The following KCNK12 variants were observed in gnomAD, a reference collection of about 807,000 sequenced individuals.
KCNK12 encodes potassium two pore domain channel subfamily K member 12.
In KCNK12, 6 loss-of-function variants were observed where a neutral mutation model predicts 25.3. That is an observed-to-expected ratio of 0.24 (90% confidence interval 0.13 to 0.47). KCNK12 has a LOEUF of 0.47. Among genes scored for constraint, KCNK12 ranks in the 20% least tolerant of loss-of-function variants. KCNK12 has a pLI of 0.99. For missense variants in KCNK12, 444 were observed against 661.7 expected, an observed-to-expected ratio of 0.67 and a Z score of 3.61; for synonymous variants, 331 against 311.1, an observed-to-expected ratio of 1.06 and a Z score of -0.67.
intron 1 of KCNK12, among the ~76,000 whole-genome samples, chr2:47,558,310 G>A (rs1669591435): frequency 6.6e-6 from 1 of 152,250 alleles, no homozygotes; most frequent in East Asian, 1.9e-4. Context: ...GAGTGACAAA[G>A]AGGGTGCTGG....
chr2:47,567,295 A>C (rs1669803650), intron 1 of KCNK12: 1 of 152,240 alleles, frequency 6.6e-6, no homozygotes, highest in Non-Finnish European at 1.5e-5. Context: ...CATTGGATAA[A>C]GAGTCAGATA....
intron 1 of KCNK12, among the ~76,000 whole-genome samples, chr2:47,526,933 A>G (rs1464688247): frequency 6.6e-6 from 1 of 152,176 alleles, no homozygotes; most frequent in Admixed American, 6.5e-5. Context: ...ACCACCTAAC[A>G]ATGCTGGCCC....
chr2:47,563,839 G>C (rs2104894237), intron 1 of KCNK12: 1 of 232,732 alleles, frequency 4.3e-6, no homozygotes, highest in East Asian at 6.1e-5. Context: ...GCACAATTCT[G>C]AGCTGTTCGA....
At chr2:47,530,870 T>C (rs142844062) in intron 1 of KCNK12, among the ~76,000 whole-genome samples, 2 of 152,250 alleles carry the variant, frequency 1.3e-5, no homozygotes, top group East Asian at 1.9e-4. Flanking sequence ...GATAAAGACA[T>C]TGAAGTTCAG....
At position 47,533,195 on chromosome 2, in the gene KCNK12, G is replaced by C. The variant is rs1380997580; in HGVS notation, c.392-11387C>G. Among the ~76,000 whole-genome samples, 1 of 142,326 alleles carries C rather than the reference G, an allele frequency of 7.0e-6. No homozygotes were observed. Among genetic ancestry groups the C allele is most frequent in the East Asian group, 2.2e-4 (1 of 4,484 alleles). 93.4% of individuals were successfully genotyped at this position (142,326 alleles called of 152,430 possible). The stretch of plus-strand genomic sequence containing the variant: ...CTGGCTAATTTTTGTATTTTTAGTA[G>C]AGACGGGGTTTTACCATGTTGGCCA... On this transcript the variant is annotated intron_variant, in intron 1 of 1. Coordinates refer to ENST00000327876, the MANE Select transcript of KCNK12 (RefSeq NM_022055.2). This position sits in a 1 kb window ranked among gnomAD's most constrained non-coding sequence, Gnocchi z 4.7.
intron 1 of KCNK12, among the ~76,000 whole-genome samples, chr2:47,550,947 A>C (rs759662466): frequency 6.6e-6 from 1 of 152,114 alleles, no homozygotes; most frequent in Non-Finnish European, 1.5e-5. Context: ...AACAGCAATG[A>C]GTGGTCTTAG....
chr2:47,554,726 T>A (rs1669515426), intron 1 of KCNK12, among the ~76,000 whole-genome samples: 1 of 152,210 alleles, frequency 6.6e-6, no homozygotes. Context: ...TTTAAAGATC[T>A]CTTTGGCTGT....
Position 47,557,625 on chromosome 2 carries a change from A to C in KCNK12, c.391+12316T>G, listed in dbSNP as rs1669576341. On this transcript the variant is annotated intron_variant, in intron 1 of 1. Transcript: ENST00000327876. This position sits in a 1 kb window ranked among gnomAD's most constrained non-coding sequence, Gnocchi z 4.9. ...CTTAAAATGGATACATGAATAATGC[A>C]TACCTGCCCGGCTGAACAATGCACA... 6.6e-6 allele frequency among the ~76,000 whole-genome samples: 1 copy of C among 152,184 alleles called. No homozygotes were observed. The highest frequency in any genetic ancestry group is 1.5e-5 in the Non-Finnish European group (1 of 68,034).
At position 47,528,226 on chromosome 2, in the gene KCNK12, C is replaced by CT. The variant is rs1668832316; in HGVS notation, c.392-6419_392-6418insA. ...GGGTCTCCGACAGCGCACAGGGCAA[C>CT]CAGTGAAAGCGTCCTTACTGTCCTG... is the stretch of plus-strand genomic sequence containing the variant. On this transcript the variant is annotated intron_variant, in intron 1 of 1. Transcript: ENST00000327876. This position sits in a 1 kb window ranked among gnomAD's most constrained non-coding sequence, Gnocchi z 4.5. The CT allele has an allele frequency of 6.6e-6, 1 of 152,322 alleles. No homozygotes were observed. The highest frequency in any genetic ancestry group is 6.5e-5 in the Admixed American group (1 of 15,288). The allele number at this position is 152,322 out of a possible 1,614,324, so 9.4% of individuals were successfully genotyped here.
chr2:47,569,863 ACCGAGCGG>A lies in KCNK12; in HGVS notation c.391+70_391+77del. The A allele has an allele frequency of 8.5e-7, 1 of 1,178,934 alleles. No individual in the cohort carries two copies. The highest frequency in any genetic ancestry group is 3.0e-5 in the South Asian group (1 of 33,002). The allele number at this position is 1,178,934 out of a possible 1,614,324, so 73.0% of individuals were successfully genotyped here. A position where few individuals can be genotyped will look rare whatever the true frequency, so the allele number is the denominator to read the frequency against. On this transcript the variant is annotated intron_variant, in intron 1 of 1. Coordinates refer to ENST00000327876, the MANE Select transcript of KCNK12 (RefSeq NM_022055.2). The surrounding 1 kb of genome is among the most constrained non-coding windows in gnomAD (Gnocchi z 4.1). The stretch of plus-strand genomic sequence containing the variant: ...GGGAAGGCAGAGCCGAGGGACGCGG[ACCGAGCGG>A]CCGAGCAGTGGAAAGGGCGGCAGGT...
At position 47,540,766 on chromosome 2, in the gene KCNK12, CAATT is replaced by C. The variant is rs1669180033; in HGVS notation, c.392-18962_392-18959del. ...CATGGTGAGACTCCATCCCTAGAAA[CAATT>C]AAAAACAAACAAACAAACAAACAAA... is the stretch of plus-strand genomic sequence containing the variant. On this transcript the variant is annotated intron_variant, in intron 1 of 1. Transcript: ENST00000327876. This position sits in a 1 kb window ranked among gnomAD's most constrained non-coding sequence, Gnocchi z 5.4. Among the ~76,000 whole-genome samples, 1 of 127,418 alleles carries C rather than the reference CAATT, an allele frequency of 7.8e-6. No individual in the cohort carries two copies. Among genetic ancestry groups the C allele is most frequent in the Non-Finnish European group, 1.6e-5 (1 of 64,154 alleles). 83.6% of individuals were successfully genotyped at this position (127,418 alleles called of 152,430 possible).
In KCNK12 at chr2:47,569,327, G is replaced by T. The variant is rs1445208690; in HGVS notation, c.391+614C>A. Among the ~76,000 whole-genome samples, 1 of 152,108 alleles carries T rather than the reference G, an allele frequency of 6.6e-6. No homozygotes were observed. Among genetic ancestry groups the T allele is most frequent in the Non-Finnish European group, 1.5e-5 (1 of 68,012 alleles). Reference sequence around the variant, plus strand: ...GGGGAGAACACAAGGAAGGGAGGCAGAACAACAGCAGCTGAAGTCCTGGCC... The same window carrying T: ...GGGGAGAACACAAGGAAGGGAGGCATAACAACAGCAGCTGAAGTCCTGGCC... On this transcript the variant is annotated intron_variant, in intron 1 of 1. Coordinates refer to ENST00000327876, the MANE Select transcript of KCNK12 (RefSeq NM_022055.2). This position sits in a 1 kb window ranked among gnomAD's most constrained non-coding sequence, Gnocchi z 4.1.
intron 1 of KCNK12, among the ~76,000 whole-genome samples, chr2:47,554,938 G>A (rs549309333): frequency 1.3e-5 from 2 of 151,952 alleles, no homozygotes; most frequent in Admixed American, 6.5e-5. Context: ...GAAAGTTTAG[G>A]AAAAAAAGAG....
Position 47,528,822 on chromosome 2 carries a change from AG to A in KCNK12, c.392-7015del, listed in dbSNP as rs1427557412. On this transcript the variant is annotated intron_variant, in intron 1 of 1. Transcript: ENST00000327876. The surrounding 1 kb of genome is among the most constrained non-coding windows in gnomAD (Gnocchi z 4.5). ...ATGGGGCCTTCGGAGTTCAGCTCAG[AG>A]AGCATGGAAGTGAGATGGAGAGGCC... Among the ~76,000 whole-genome samples the A allele has an allele frequency of 2.6e-5, 4 of 152,310 alleles. No homozygotes were observed. Among genetic ancestry groups the A allele is most frequent in the African/African-American group, 9.6e-5 (4 of 41,568 alleles).
chr2:47,567,267 T>C (rs1334911247), intron 1 of KCNK12: 3 of 152,260 alleles, frequency 2.0e-5, no homozygotes, highest in African/African-American at 7.2e-5. Context: ...AAACTGAGTA[T>C]GTGCTAATTT....
intron 1 of KCNK12, among the ~76,000 whole-genome samples, chr2:47,523,758 T>C (rs1668711005): frequency 6.6e-6 from 1 of 151,984 alleles, no homozygotes; most frequent in Non-Finnish European, 1.5e-5. Context: ...GCTGAAAAAA[T>C]GGATCATTTG....
At chr2:47,530,145 G>T (rs1404761520) in intron 1 of KCNK12, among the ~76,000 whole-genome samples, 1 of 152,204 alleles carries the variant, frequency 6.6e-6, no homozygotes, top group Non-Finnish European at 1.5e-5. Flanking sequence ...AGCCAGGCCA[G>T]CGGCCAGGCC....
At chr2:47,530,258 C>T (rs908229561) in intron 1 of KCNK12, among the ~76,000 whole-genome samples, 1 of 152,142 alleles carries the variant, frequency 6.6e-6, no homozygotes, top group South Asian at 2.1e-4. Flanking sequence ...GCTGGAACTG[C>T]GACATCGCCT....
At chr2:47,532,138 A>G (rs1469746198) in intron 1 of KCNK12, among the ~76,000 whole-genome samples, 1 of 152,074 alleles carries the variant, frequency 6.6e-6, no homozygotes, top group Non-Finnish European at 1.5e-5. Context: ...GGCATTAGGG[A>G]TACAGCTTTA....
Sources: gnomAD v4.1 joint callset for allele counts (sites outside exome capture counted in the v4.1 genomes callset) on GRCh38, gnomAD v4.1.1 for gene constraint, Gnocchi (gnomAD v3.1) non-coding constraint, MANE v1.5 for transcripts, NCBI Gene and HGNC (gene_info 2026-07-23, HGNC 2026-07-21) for gene names.